The following PGCKA1 variants were observed in gnomAD, a reference collection of about 807,000 sequenced individuals.
PGCKA1 encodes PDCD10 and GCKIII kinases associated 1, also known as PDCD10 and GCKIII kinases-associated protein 1.
chr4:37,577,571 T>C, the PGCKA1 span, among the ~76,000 whole-genome samples: 2 of 152,160 alleles, frequency 1.3e-5, no homozygotes, highest in African/African-American at 4.8e-5. Flanking sequence ...ATTTCTGCTG[T>C]GATCTTTATT....
At chr4:37,572,312 C>A in the PGCKA1 span, among the ~76,000 whole-genome samples, 93 of 152,032 alleles carry the variant, frequency 6.1e-4, no homozygotes, top group African/African-American at 2.1e-3. Context: ...GTGATCCGCC[C>A]GCCTCGGCCT....
chr4:37,539,871 T>G, the PGCKA1 span, among the ~76,000 whole-genome samples: 1 of 152,216 alleles, frequency 6.6e-6, no homozygotes, highest in African/African-American at 2.4e-5. Flanking sequence ...AAATGGGACA[T>G]GTTGTAAAAT....
the PGCKA1 span, among the ~76,000 whole-genome samples, chr4:37,509,877 C>G: frequency 6.6e-6 from 1 of 150,792 alleles, no homozygotes; most frequent in Middle Eastern, 3.4e-3. Context: ...GCAGCAGAAT[C>G]AGGCAGGGAG....
At chr4:37,478,803 C>T in the PGCKA1 span, among the ~76,000 whole-genome samples, 1 of 152,182 alleles carries the variant, frequency 6.6e-6, no homozygotes, top group African/African-American at 2.4e-5. Context: ...ATATTTGTTA[C>T]TTCTTTTATC....
the PGCKA1 span, among the ~76,000 whole-genome samples, chr4:37,469,262 A>G: frequency 6.6e-6 from 1 of 152,220 alleles, no homozygotes; most frequent in Admixed American, 6.5e-5. Context: ...CCCATTATTA[A>G]GCAATGAATG....
the PGCKA1 span, among the ~76,000 whole-genome samples, chr4:37,562,813 T>G: frequency 2.0e-5 from 3 of 152,188 alleles, no homozygotes. Context: ...TGGAATCAAG[T>G]TCGGTACTTG....
the PGCKA1 span, among the ~76,000 whole-genome samples, chr4:37,480,393 T>A: frequency 6.6e-6 from 1 of 152,198 alleles, no homozygotes; most frequent in South Asian, 2.1e-4. Context: ...CCTGGGAGAC[T>A]GAAGCAGGAG....
the PGCKA1 span, among the ~76,000 whole-genome samples, chr4:37,474,728 A>G: frequency 6.6e-6 from 1 of 152,166 alleles, no homozygotes; most frequent in Non-Finnish European, 1.5e-5. Flanking sequence ...GTCATTCAGG[A>G]TGATGAAGCT....
chr4:37,588,139 G>C, the PGCKA1 span: 13 of 152,380 alleles, frequency 8.5e-5, no homozygotes, highest in Admixed American at 7.2e-4. Flanking sequence ...GAAAAGCCCA[G>C]CTTGGGGAGG....
chr4:37,554,338 C>T, the PGCKA1 span, among the ~76,000 whole-genome samples: 21 of 146,740 alleles, frequency 1.4e-4, no homozygotes, highest in African/African-American at 5.4e-4. Flanking sequence ...GCTTAAAGAT[C>T]CTTTAGAAAT....
the PGCKA1 span, among the ~76,000 whole-genome samples, chr4:37,516,842 A>G: frequency 0.11 from 17,308 of 152,262 alleles, 1,369 homozygotes; most frequent in South Asian, 0.19. Context: ...GATCCCCAGT[A>G]TTGCTTGCAG....
chr4:37,457,062 C>T, the PGCKA1 span, among the ~76,000 whole-genome samples: 1 of 152,190 alleles, frequency 6.6e-6, no homozygotes, highest in African/African-American at 2.4e-5. Flanking sequence ...CTCTAGAGCT[C>T]CTCATGGTTT....
chr4:37,538,205 C>T, the PGCKA1 span, among the ~76,000 whole-genome samples: 1 of 152,330 alleles, frequency 6.6e-6, no homozygotes, highest in East Asian at 1.9e-4. Flanking sequence ...AGCCCTCCTG[C>T]ATGTGTGAAC....
the PGCKA1 span, among the ~76,000 whole-genome samples, chr4:37,529,801 G>A: frequency 2.0e-5 from 3 of 152,154 alleles, no homozygotes; most frequent in Admixed American, 6.5e-5. Context: ...AGAAAGTACC[G>A]TGCTACCTCC....
At chr4:37,474,374 T>C in the PGCKA1 span, among the ~76,000 whole-genome samples, 14 of 152,162 alleles carry the variant, frequency 9.2e-5, no homozygotes, top group Non-Finnish European at 1.9e-4. Context: ...AAATCTCTGT[T>C]ATTTATAAAT....
At chr4:37,554,232 C>T in the PGCKA1 span, among the ~76,000 whole-genome samples, 3 of 152,304 alleles carry the variant, frequency 2.0e-5, no homozygotes, top group Non-Finnish European at 2.9e-5. Context: ...TCCCCAGCCA[C>T]GTGGAACTGT....
chr4:37,453,826 T>G, the PGCKA1 span: 1 of 152,120 alleles, frequency 6.6e-6, no homozygotes, highest in Non-Finnish European at 1.5e-5. Context: ...CCTCGGGGCG[T>G]GCAGGTAAAG....
At chr4:37,578,540 T>G in the PGCKA1 span, among the ~76,000 whole-genome samples, 1 of 152,226 alleles carries the variant, frequency 6.6e-6, no homozygotes, top group African/African-American at 2.4e-5. Context: ...TTAGTCCGTT[T>G]ACATTTGATG....
At chr4:37,546,952 C>T in the PGCKA1 span, among the ~76,000 whole-genome samples, 3 of 152,264 alleles carry the variant, frequency 2.0e-5, no homozygotes, top group Non-Finnish European at 1.5e-5. Flanking sequence ...TTGCCCACTC[C>T]ATTTGAGTGG....
Sources: gnomAD v4.1 joint callset for allele counts (sites outside exome capture counted in the v4.1 genomes callset) on GRCh38, gnomAD v4.1.1 for gene constraint, MANE v1.5 for transcripts, NCBI Gene and HGNC (gene_info 2026-07-23, HGNC 2026-07-21) for gene names.